SUMF1: variants seen among roughly 807,000 people sequenced by gnomAD.
SUMF1 encodes sulfatase modifying factor 1.
A neutral mutation model predicts 47.6 loss-of-function variants in SUMF1; 48 were observed. The ratio of observed to expected loss-of-function variants is 1.01; its 90% CI spans 0.80 to 1.28. The LOEUF (loss-of-function observed/expected upper bound fraction) is 1.28. Among genes scored for constraint, SUMF1 ranks in the 50% most tolerant of loss-of-function variants. The pLI is 0.00. For missense variants in SUMF1, 571 were observed against 485.4 expected (o/e 1.18, Z -1.66); for synonymous variants, 230 against 192.1 (o/e 1.20, Z -1.63).
intron 3 of SUMF1, among the ~76,000 whole-genome samples, chr3:4,424,949 G>A (rs555476220): frequency 6.1e-4 from 93 of 152,186 alleles, no homozygotes; most frequent in Admixed American, 2.0e-3. Flanking sequence ...ACTGTCTTAT[G>A]TATTGCAGGA....
At chr3:4,362,332 ACCGG>A in intron 8 of SUMF1, 78 bp from the exon 9 acceptor site, 3 of 1,211,410 alleles carry the variant, frequency 2.5e-6, no homozygotes, top group Non-Finnish European at 3.7e-6. Flanking sequence ...TGCATATTGC[ACCGG>A]CTGTAGACAG....
chr3:4,082,550 C>G (rs1329064133), intron 8 of SUMF1, among the ~76,000 whole-genome samples: 1 of 151,826 alleles, frequency 6.6e-6, no homozygotes, highest in East Asian at 1.9e-4. Context: ...TTAAAATGTT[C>G]CAACAGATTT....
chr3:4,050,967 T>C (rs1463310408), intron 9 of SUMF1, among the ~76,000 whole-genome samples: 1 of 151,874 alleles, frequency 6.6e-6, no homozygotes, highest in African/African-American at 2.4e-5. Context: ...GAGAGAAAAC[T>C]ACGCACTCAC....
chr3:4,072,781 A>G (rs1392917110), intron 8 of SUMF1, among the ~76,000 whole-genome samples: 1 of 152,204 alleles, frequency 6.6e-6, no homozygotes, highest in East Asian at 1.9e-4. Context: ...ACAAGATTAG[A>G]GAAAAAAAGA....
intron 8 of SUMF1, among the ~76,000 whole-genome samples, chr3:4,286,040 T>C (rs1031158670): frequency 2.0e-5 from 3 of 152,238 alleles, no homozygotes; most frequent in South Asian, 2.1e-4. Context: ...GCAGTAAGAA[T>C]GTATTGCACA....
intron 8 of SUMF1, among the ~76,000 whole-genome samples, chr3:4,350,534 A>G (rs1237680401): frequency 6.6e-6 from 1 of 152,196 alleles, no homozygotes; most frequent in African/African-American, 2.4e-5. Flanking sequence ...TCACAGAATG[A>G]GGAGCTTCTA....
intron 8 of SUMF1, among the ~76,000 whole-genome samples, chr3:4,292,513 A>T (rs565511506): frequency 8.5e-5 from 13 of 152,322 alleles, no homozygotes; most frequent in African/African-American, 2.9e-4. Context: ...TATTTTATTC[A>T]CCTCGTGGTC....
intron 8 of SUMF1, among the ~76,000 whole-genome samples, chr3:4,198,862 C>T (rs1054385528): frequency 6.6e-6 from 1 of 150,642 alleles, no homozygotes; most frequent in Non-Finnish European, 1.5e-5. Flanking sequence ...AGTATTCTGT[C>T]CAAAAAGAAA....
At chr3:4,270,146 G>A (rs1049610093) in intron 8 of SUMF1, among the ~76,000 whole-genome samples, 4 of 152,160 alleles carry the variant, frequency 2.6e-5, no homozygotes, top group South Asian at 4.2e-4. Flanking sequence ...GGTCAGAGCC[G>A]GACTATCAGG....
chr3:4,258,663 T>G (rs1209998982), intron 8 of SUMF1, among the ~76,000 whole-genome samples: 1 of 151,348 alleles, frequency 6.6e-6, no homozygotes, highest in African/African-American at 2.4e-5. Context: ...ACACTGTTGG[T>G]GGGACTGTAA....
At chr3:4,401,881 G>C (rs1701223197) in intron 7 of SUMF1, among the ~76,000 whole-genome samples, 1 of 152,074 alleles carries the variant, frequency 6.6e-6, no homozygotes, top group Non-Finnish European at 1.5e-5. Context: ...ACTGTGAAAA[G>C]GTAACCAATA....
At chr3:4,230,173 C>A (rs1696268492) in intron 8 of SUMF1, among the ~76,000 whole-genome samples, 2 of 151,888 alleles carry the variant, frequency 1.3e-5, no homozygotes, top group South Asian at 4.1e-4. Flanking sequence ...CCTTTCTTTC[C>A]TTACAGCAAC....
intron 4 of SUMF1, among the ~76,000 whole-genome samples, chr3:4,419,645 C>G: frequency 6.6e-6 from 1 of 152,162 alleles, no homozygotes. Context: ...GAATCCTATA[C>G]CCAAGGCCTG....
intron 8 of SUMF1, among the ~76,000 whole-genome samples, chr3:4,255,451 C>G (rs1390940456): frequency 9.7e-6 from 1 of 103,498 alleles, no homozygotes; most frequent in Admixed American, 9.8e-5. Flanking sequence ...CAAAAAAAGG[C>G]AGGGGTTGCA....
At chr3:4,255,706 C>A (rs1221950351) in intron 8 of SUMF1, among the ~76,000 whole-genome samples, 1 of 137,690 alleles carries the variant, frequency 7.3e-6, no homozygotes, top group East Asian at 2.1e-4. Flanking sequence ...GACAGATCAA[C>A]GAGACAGAAA....
At chr3:4,464,276 CT>C (rs10580690) in intron 1 of SUMF1, among the ~76,000 whole-genome samples, 49 of 148,692 alleles carry the variant, frequency 3.3e-4, no homozygotes, top group African/African-American at 5.9e-4. Flanking sequence ...CAAATGTGGC[CT>C]TTTTTTTTTT....
intron 8 of SUMF1, among the ~76,000 whole-genome samples, chr3:4,296,269 A>T (rs1458544079): frequency 6.6e-6 from 1 of 150,786 alleles, no homozygotes; most frequent in African/African-American, 2.4e-5. Flanking sequence ...TTGGGAAGGC[A>T]CTCTTTAGTG....
chr3:4,209,726 G>A (rs1044795753), intron 8 of SUMF1, among the ~76,000 whole-genome samples: 3 of 151,844 alleles, frequency 2.0e-5, no homozygotes, highest in Non-Finnish European at 4.4e-5. Context: ...ACAAGTAACT[G>A]GAAAATATAA....
chr3:4,324,586 T>G (rs1385631148), intron 8 of SUMF1, among the ~76,000 whole-genome samples: 1 of 152,200 alleles, frequency 6.6e-6, no homozygotes, highest in Non-Finnish European at 1.5e-5. Flanking sequence ...ACATTTTACA[T>G]GTGAAAAGTG....
Sources: allele counts gnomAD v4.1 joint callset (sites outside exome capture counted in the v4.1 genomes callset), GRCh38; gene constraint gnomAD v4.1.1; transcripts MANE v1.5; gene names NCBI Gene and HGNC (gene_info 2026-07-23, HGNC 2026-07-21).